Variants in ADGRV1 observed in about 807,000 individuals in gnomAD.
ADGRV1 encodes the protein G-protein coupled receptor 98.
A neutral mutation model predicts 596.2 loss-of-function variants in ADGRV1; 359 were observed. The ratio of observed to expected loss-of-function variants is 0.60; its 90% confidence interval spans 0.55 to 0.66. The LOEUF is 0.66. Ranked by LOEUF, ADGRV1 falls within the 30% of genes least tolerant of loss-of-function variation. The pLI is 0.00. For synonymous variants in ADGRV1, 2,681 were observed against 2,679.2 expected (o/e 1.00, Z -0.02); for missense variants, 7,274 against 7,575.6 (o/e 0.96, Z 1.48).
At chr5:91,059,580 T>A (rs1485550270) in intron 85 of ADGRV1, among the ~76,000 whole-genome samples, 4 of 152,212 alleles carry the variant, frequency 2.6e-5, no homozygotes, top group Non-Finnish European at 5.9e-5. Context: ...TTGGGACTTT[T>A]AAAATGTTGC....
At chr5:90,725,780 A>G (rs1751690804) in intron 48 of ADGRV1, 124 bp downstream of exon 48, 2 of 614,674 alleles carry the variant, frequency 3.3e-6, no homozygotes, top group South Asian at 4.2e-5. Flanking sequence ...GATTGTGGTA[A>G]AGTAGAATGT....
chr5:90,991,313 A>G (rs1003649500), intron 85 of ADGRV1, among the ~76,000 whole-genome samples: 13 of 152,322 alleles, frequency 8.5e-5, no homozygotes, highest in African/African-American at 3.1e-4. Context: ...TCAACAAATA[A>G]CTTATTGAAT....
chr5:91,096,106 A>G (rs1290373620), intron 86 of ADGRV1, among the ~76,000 whole-genome samples: 1 of 152,196 alleles, frequency 6.6e-6, no homozygotes, highest in Non-Finnish European at 1.5e-5. Context: ...TATGTTTTAC[A>G]TTGATGGGTT....
At position 90,776,536 on chromosome 5, in the gene ADGRV1, G is replaced by A. The variant is rs1758255543; in HGVS notation, c.12487G>A (p.Gly4163Arg). ...TCCGTCATCTAGGCACATCCTCATTGGGGAACCCTCAGCAAAATATAATGG... is the reference window on the plus strand; with the variant it reads ...TCCGTCATCTAGGCACATCCTCATTAGGGAACCCTCAGCAAAATATAATGG... ...IAPSSRHILI[G>R]EPSAKYNGTA... The change falls in exon 61 of 90, where the codon GGG becomes AGG. Residue 4163 changes from glycine (G) to arginine (R), a missense_variant. Physicochemically the swap from Gly to Arg is moderately radical, Grantham distance 125 (BLOSUM62 -2). Coordinates refer to ENST00000405460, the MANE Select transcript of ADGRV1 (RefSeq NM_032119.4). 6.2e-7 allele frequency: 1 copy of A among 1,613,198 alleles called. No homozygotes were observed. The highest frequency in any genetic ancestry group is 1.3e-5 in the African/African-American group (1 of 74,860).
At position 90,708,975 on chromosome 5, in the gene ADGRV1, G is replaced by T. The variant is rs1354193925; in HGVS notation, c.8824+66G>T. 2.9e-6 allele frequency: 3 copies of T among 1,040,550 alleles called. No homozygotes were observed. The East Asian group carries it at 7.1e-5, about 25-fold the overall frequency. The allele number at this position is 1,040,550 out of a possible 1,614,324, so 64.5% of individuals were successfully genotyped here. A position where few individuals can be genotyped will look rare whatever the true frequency, so the allele number is the denominator to read the frequency against. ...AATGAAATGAAGAAACTTCATTTTT[G>T]AATCAGAAGTGATCATTGTGCTGTT... On this transcript the variant is annotated intron_variant, in intron 39 of 89. Transcript: ENST00000405460.
intron 59 of ADGRV1, among the ~76,000 whole-genome samples, chr5:90,771,146 C>G (rs935396408): frequency 1.3e-5 from 2 of 152,008 alleles, no homozygotes; most frequent in African/African-American, 4.8e-5. Context: ...GTATTTAGTT[C>G]TGTCTAGTTC....
chr5:90,941,941 A>G (rs1252170459), intron 83 of ADGRV1, among the ~76,000 whole-genome samples: 1 of 152,212 alleles, frequency 6.6e-6, no homozygotes, highest in Non-Finnish European at 1.5e-5. Flanking sequence ...TTCTTCTCAC[A>G]AAGCCTTATA....
At chr5:91,126,295 G>C (rs2126772591) in intron 87 of ADGRV1, among the ~76,000 whole-genome samples, 1 of 152,296 alleles carries the variant, frequency 6.6e-6, no homozygotes, top group Non-Finnish European at 1.5e-5. Context: ...ACTAACCGGT[G>C]TTAACACCTC....
At chr5:90,815,925 C>A (rs77263264) in intron 75 of ADGRV1, among the ~76,000 whole-genome samples, 189 bp downstream of exon 75, 1 of 152,084 alleles carries the variant, frequency 6.6e-6, no homozygotes, top group African/African-American at 2.4e-5. Context: ...CTTAGGGTTA[C>A]CTTGAGTGTT....
intron 87 of ADGRV1, among the ~76,000 whole-genome samples, chr5:91,136,851 G>T (rs1040624321): frequency 6.9e-6 from 1 of 144,386 alleles, no homozygotes; most frequent in Non-Finnish European, 1.5e-5. Context: ...AGAAAATTAA[G>T]CTTGGGGCTG....
intron 78 of ADGRV1, among the ~76,000 whole-genome samples, chr5:90,842,807 T>C (rs532966123): frequency 1.7e-3 from 257 of 152,332 alleles, no homozygotes; most frequent in African/African-American, 6.1e-3. Context: ...AAGCCTTCTT[T>C]GCTCTGGTTA....
intron 85 of ADGRV1, among the ~76,000 whole-genome samples, chr5:91,008,634 G>A (rs562433437): frequency 6.6e-6 from 1 of 152,178 alleles, no homozygotes; most frequent in East Asian, 1.9e-4. Flanking sequence ...CTCCCAAGTA[G>A]CTGAGGTTAC....
intron 85 of ADGRV1, among the ~76,000 whole-genome samples, chr5:90,991,573 C>G (rs994017783): frequency 6.6e-6 from 1 of 152,128 alleles, no homozygotes; most frequent in Non-Finnish European, 1.5e-5. Flanking sequence ...GCCATCATGT[C>G]CAGCCTAGTT....
intron 61 of ADGRV1, among the ~76,000 whole-genome samples, chr5:90,777,356 C>G (rs1414868531): frequency 6.6e-6 from 1 of 152,112 alleles, no homozygotes; most frequent in Non-Finnish European, 1.5e-5. Flanking sequence ...TGTGGGGACA[C>G]AGAGCCAAAC....
At chr5:90,990,083 G>T (rs1276580363) in intron 85 of ADGRV1, among the ~76,000 whole-genome samples, 2 of 152,162 alleles carry the variant, frequency 1.3e-5, no homozygotes, top group African/African-American at 4.8e-5. Flanking sequence ...CTCCCAAAGC[G>T]CTGGGATTAC....
chr5:90,739,070 C>T (rs897454513), intron 50 of ADGRV1, among the ~76,000 whole-genome samples: 9 of 151,782 alleles, frequency 5.9e-5, no homozygotes, highest in Non-Finnish European at 1.3e-4. Flanking sequence ...TCTGCTTGAT[C>T]AAGTCTGCTG....
intron 83 of ADGRV1, among the ~76,000 whole-genome samples, chr5:90,948,676 C>T (rs1776806254): frequency 6.6e-6 from 1 of 152,082 alleles, no homozygotes; most frequent in South Asian, 2.1e-4. Flanking sequence ...ACATCATAGC[C>T]TAACCTAGCC....
At position 90,722,716 on chromosome 5, in the gene ADGRV1, C is replaced by CAAAAAAAAAA. The variant is rs55761821; in HGVS notation, c.9748+1688_9748+1697dup. 3.6e-4 allele frequency among the ~76,000 whole-genome samples: 12 copies of CAAAAAAAAAA among 32,900 alleles called. 2 individuals are homozygous for CAAAAAAAAAA. The highest frequency in any genetic ancestry group is 1.4e-3 in the African/African-American group (11 of 8,126). The allele number at this position is 32,900 out of a possible 152,430, so 21.6% of individuals were successfully genotyped here. A position where few individuals can be genotyped will look rare whatever the true frequency, so the allele number is the denominator to read the frequency against. On this transcript the variant is annotated intron_variant, in intron 45 of 89. Transcript: ENST00000405460. ...GGCAACAAGAGCAAAAACTCCGTCT[C>CAAAAAAAAAA]AAAAAAAAAAAAAAAAAAAAAAAAA...
At chr5:90,708,795 T>C (rs768692635) in intron 38 of ADGRV1, 21 bp from the exon 39 acceptor site, 7 of 1,486,772 alleles carry the variant, frequency 4.7e-6, no homozygotes, top group Non-Finnish European at 6.6e-6. Context: ...TAAAGGAATT[T>C]AATGAGTGTA....
Sources: allele counts gnomAD v4.1 joint callset (sites outside exome capture counted in the v4.1 genomes callset), GRCh38; gene constraint gnomAD v4.1.1; transcripts MANE v1.5; gene names NCBI Gene and HGNC (gene_info 2026-07-23, HGNC 2026-07-21).